The following NOL11 variants were observed in gnomAD, a reference collection of about 807,000 sequenced individuals.
NOL11 encodes nucleolar protein 11.
NOL11 carries 42 observed loss-of-function variants against 93.0 expected under a neutral mutation model. The ratio of observed to expected loss-of-function variants is 0.45; its 90% confidence interval spans 0.35 to 0.58. The LOEUF is 0.58. Ranked by LOEUF, NOL11 falls within the 20% of genes least tolerant of loss-of-function variation. The probability of loss-of-function intolerance (pLI) is 0.00; values close to 1 mark genes in which losing one functional copy is unlikely to be tolerated. For missense variants in NOL11, 775 were observed against 841.8 expected (o/e 0.92, Z 0.98); for synonymous variants, 296 against 293.7 (o/e 1.01, Z -0.08).
intron 7 of NOL11, among the ~76,000 whole-genome samples, chr17:67,730,205 A>G (rs111386400): frequency 0.01 from 1,561 of 152,254 alleles, 43 homozygotes; most frequent in African/African-American, 0.036. Flanking sequence ...GAATATCACT[A>G]TGAACATTCG....
At chr17:67,718,958 C>T (rs1353197613) in intron 1 of NOL11, among the ~76,000 whole-genome samples, 1 of 152,194 alleles carries the variant, frequency 6.6e-6, no homozygotes, top group Non-Finnish European at 1.5e-5. Flanking sequence ...GATGTCCCTA[C>T]TTAATTTCCC....
intron 7 of NOL11, among the ~76,000 whole-genome samples, chr17:67,730,931 G>T (rs1005567827): frequency 1.3e-5 from 2 of 152,164 alleles, no homozygotes; most frequent in Non-Finnish European, 2.9e-5. Context: ...GCTCACACGT[G>T]GCTATTTTCC....
At chr17:67,722,663 C>T (rs370095421) in intron 5 of NOL11, 26 bp downstream of exon 5, 1,248 of 1,524,574 alleles carry the variant, frequency 8.2e-4, no homozygotes, top group Non-Finnish European at 9.2e-4. Flanking sequence ...AATTCCTGGC[C>T]CATTTTGTGA....
chr17:67,726,827 G>A (rs2055099218), intron 7 of NOL11, 179 bp downstream of exon 7: 1 of 480,090 alleles, frequency 2.1e-6, no homozygotes, highest in South Asian at 4.0e-5. Flanking sequence ...TTTTTATTTT[G>A]CATTGATCTT....
chr17:67,730,150 A>C (rs1423894151), intron 7 of NOL11, among the ~76,000 whole-genome samples: 1 of 152,202 alleles, frequency 6.6e-6, no homozygotes, highest in East Asian at 1.9e-4. Context: ...TTATCTGTTC[A>C]TCCATTCATG....
intron 5 of NOL11, among the ~76,000 whole-genome samples, chr17:67,723,370 A>G (rs1404750428): frequency 1.6e-5 from 1 of 60,704 alleles, no homozygotes; most frequent in Non-Finnish European, 2.9e-5. Context: ...AAGATCTCTA[A>G]TTTTTTTTTT....
At chr17:67,720,983 C>A (rs540843347) in intron 3 of NOL11, among the ~76,000 whole-genome samples, 4 of 152,168 alleles carry the variant, frequency 2.6e-5, no homozygotes, top group African/African-American at 7.2e-5. Context: ...GTGTTAACTT[C>A]TTTTTCTGGA....
intron 9 of NOL11, among the ~76,000 whole-genome samples, chr17:67,736,415 C>T (rs2055202639): frequency 6.6e-6 from 1 of 152,150 alleles, no homozygotes; most frequent in Non-Finnish European, 1.5e-5. Flanking sequence ...TGGGAGAACC[C>T]CCAAACAAAA....
At chr17:67,729,138 A>G (rs1395081425) in intron 7 of NOL11, among the ~76,000 whole-genome samples, 2 of 151,210 alleles carry the variant, frequency 1.3e-5, no homozygotes, top group Non-Finnish European at 2.9e-5. Flanking sequence ...CTTGTTGCCC[A>G]GGGTGGAGTG....
chr17:67,726,631 C>T lies in NOL11; in HGVS notation c.836C>T (p.Pro279Leu), dbSNP rs2055096959. The change falls in exon 7 of 18, where the codon CCA becomes CTA. Residue 279 changes from proline to leucine, a missense_variant. Physicochemically the swap from Pro to Leu is moderately conservative, Grantham distance 98. This residue lies in a region of NOL11 where 416 missense variants were observed against 525.2 expected (regional missense o/e 0.79). Coordinates refer to ENST00000253247, the MANE Select transcript of NOL11 (RefSeq NM_015462.5). ...GATCACGTCGCAGTCCTAGGAAGTC[C>T]ACTAGCAGCTTCTAAGGGTAACTGA... is the stretch of plus-strand genomic sequence containing the variant. The part of the protein sequence containing the change: ...DQDHVAVLGS[P>L]LAASKECLSV... 6.2e-7 allele frequency: 1 copy of T among 1,602,850 alleles called. No individual in the cohort carries two copies. The highest frequency in any genetic ancestry group is 8.5e-7 in the Non-Finnish European group (1 of 1,176,224).
chr17:67,740,263 T>C (rs1599049338), intron 16 of NOL11, among the ~76,000 whole-genome samples: 2 of 149,928 alleles, frequency 1.3e-5, no homozygotes, highest in East Asian at 4.0e-4. Flanking sequence ...AATAAGAGAA[T>C]ACAGATTAGT....
rs1408608539 is a variant in NOL11 at position 67,721,364 on chromosome 17, TTA to T, written c.313-12_313-11del. ...GTTTTAGAATAAAAATTAAAATTTT[TTA>T]TGTTCTTCCAGTTGTCAGCAGAAGT... is the stretch of plus-strand genomic sequence containing the variant. On this transcript the variant is annotated splice_polypyrimidine_tract_variant and intron_variant, in intron 3 of 17. Coordinates refer to ENST00000253247, the MANE Select transcript of NOL11 (RefSeq NM_015462.5). 1 of 1,495,684 alleles carries T rather than the reference TTA, an allele frequency of 6.7e-7. No individual in the cohort carries two copies. Among genetic ancestry groups the T allele is most frequent in the African/African-American group, 1.4e-5 (1 of 71,060 alleles). 92.7% of individuals were successfully genotyped at this position (1,495,684 alleles called of 1,614,324 possible). A position where few individuals can be genotyped will look rare whatever the true frequency, so the allele number is the denominator to read the frequency against.
chr17:67,743,526 T>C lies in NOL11; in HGVS notation c.1983T>C (p.Val661=). The C allele has an allele frequency of 6.2e-7, 1 of 1,604,806 alleles. No individual in the cohort carries two copies. The change falls in exon 17 of 18, where the codon GTT becomes GTC. Residue 661 remains valine (V), a synonymous_variant. Coordinates refer to ENST00000253247, the MANE Select transcript of NOL11 (RefSeq NM_015462.5). ...CLLLDANFTV[V]VMMPEAKRLL... Reference sequence around the variant, plus strand: ...TTCTGGATGCAAATTTTACTGTTGTTGTAATGATGCCAGAAGCAAAGAGGC... The same window carrying C: ...TTCTGGATGCAAATTTTACTGTTGTCGTAATGATGCCAGAAGCAAAGAGGC...
At position 67,724,927 on chromosome 17, in the gene NOL11, G is replaced by A. The variant is rs574995731; in HGVS notation, c.664+734G>A. On this transcript the variant is annotated intron_variant, in intron 6 of 17. Transcript: ENST00000253247. ...CAAAAAATTAGCCAGGCATGGTGGC[G>A]GGTGCCTGTAATCCCAGCTACTCTG... is the stretch of plus-strand genomic sequence containing the variant. Among the ~76,000 whole-genome samples, 109 of 152,132 alleles carry A rather than the reference G, an allele frequency of 7.2e-4. 1 individual carries two copies. The highest frequency in any genetic ancestry group is 2.3e-3 in the African/African-American group (95 of 41,500).
chr17:67,738,746 A>T, intron 14 of NOL11, 186 bp from the exon 15 acceptor site: 1 of 556,022 alleles, frequency 1.8e-6, no homozygotes, highest in Non-Finnish European at 3.2e-6. Context: ...CAGTATTCTG[A>T]ATAAATACCA....
At position 67,737,780 on chromosome 17, in the gene NOL11, C is replaced by T. The variant is rs111451497; in HGVS notation, c.1404-67C>T. 909 of 1,582,802 alleles carry T rather than the reference C, an allele frequency of 5.7e-4. 1 individual carries two copies. Among genetic ancestry groups the T allele is most frequent in the South Asian group, 3.5e-3 (302 of 86,846 alleles). ...CTAATCTTCTGAAACTCTCAAAAGG[C>T]TTATAAATGTTCTGCAGTTGAGAAT... On this transcript the variant is annotated intron_variant, in intron 12 of 17. Transcript: ENST00000253247.
chr17:67,724,330 C>CA, intron 6 of NOL11, 137 bp downstream of exon 6: 2 of 394,258 alleles, frequency 5.1e-6, no homozygotes, highest in Non-Finnish European at 8.5e-6. Flanking sequence ...TTCATGCCTT[C>CA]ACTTTTTTTT....
rs2055235443 is a variant in NOL11 at position 67,739,533 on chromosome 17, G to A, written c.1860G>A (p.Leu620=). 6.3e-7 allele frequency: 1 copy of A among 1,584,818 alleles called. No individual in the cohort carries two copies. The highest frequency in any genetic ancestry group is 1.4e-5 in the African/African-American group (1 of 73,128). ...CCACCCAGCTGTTTCTTAAGTATTTGTATTTCCTGTACCTGAAGTGTAGCG... is the reference window on the plus strand; with the variant it reads ...CCACCCAGCTGTTTCTTAAGTATTTATATTTCCTGTACCTGAAGTGTAGCG... ...AQHITLFLKY[L]YFLYLKCSEN... Residue 620 remains leucine (L), a synonymous_variant, in exon 16 of 18, where the codon TTG becomes TTA. Coordinates refer to ENST00000253247, the MANE Select transcript of NOL11 (RefSeq NM_015462.5).
intron 7 of NOL11, among the ~76,000 whole-genome samples, chr17:67,732,718 T>G (rs2055165624): frequency 6.6e-6 from 1 of 151,182 alleles, no homozygotes; most frequent in African/African-American, 2.4e-5. Context: ...GGACTACAGG[T>G]GCATGCCATC....
Sources: allele counts gnomAD v4.1 joint callset (sites outside exome capture counted in the v4.1 genomes callset), GRCh38; gene constraint gnomAD v4.1.1; regional missense constraint gnomAD v4.1.1; transcripts MANE v1.5; gene names NCBI Gene and HGNC (gene_info 2026-07-23, HGNC 2026-07-21).